BRCA1: variants seen among roughly 807,000 people sequenced by gnomAD.
BRCA1 encodes the protein breast cancer type 1 susceptibility protein.
In BRCA1, 140 loss-of-function variants were observed where a neutral mutation model predicts 173.7. The ratio of observed to expected loss-of-function variants is 0.81; its 90% CI spans 0.70 to 0.93. The LOEUF is 0.93. Ranked by LOEUF, BRCA1 falls within the 40% of genes least tolerant of loss-of-function variation. The pLI is 0.00. For missense variants in BRCA1, 1,983 were observed against 2,172.5 expected (o/e 0.91, Z 1.73); for synonymous variants, 662 against 756.0 (o/e 0.88, Z 2.04).
At chr17:43,142,984 A>G (rs11657289) in intron 1 of BRCA1, among the ~76,000 whole-genome samples, 9 of 149,520 alleles carry the variant, frequency 6.0e-5, no homozygotes, top group Admixed American at 4.0e-4. Context: ...ATGTGTGTAT[A>G]TATATATGTA....
At chr17:43,150,740 AAAC>A (rs1473121503) in intron 1 of BRCA1, among the ~76,000 whole-genome samples, 1 of 152,198 alleles carries the variant, frequency 6.6e-6, no homozygotes, top group Non-Finnish European at 1.5e-5. Flanking sequence ...AGCTAAAAAA[AAAC>A]AACTCCATTT....
intron 21 of BRCA1, among the ~76,000 whole-genome samples, 157 bp downstream of exon 21, chr17:43,048,964 C>T (rs1318762359): frequency 6.6e-6 from 1 of 152,130 alleles, no homozygotes; most frequent in African/African-American, 2.4e-5. Context: ...CAAATCCTTA[C>T]CCATCCCTTA....
intron 1 of BRCA1, among the ~76,000 whole-genome samples, chr17:43,142,741 C>T (rs886473984): frequency 5.3e-5 from 8 of 152,060 alleles, no homozygotes; most frequent in African/African-American, 1.9e-4. Flanking sequence ...TTGTGCTTTA[C>T]TTTTTATTTA....
chr17:43,127,651 C>G (rs1390116233), upstream of BRCA1, among the ~76,000 whole-genome samples: 1 of 152,076 alleles, frequency 6.6e-6, no homozygotes, highest in Non-Finnish European at 1.5e-5. Flanking sequence ...CAATCAGCAC[C>G]CTGTCAAAAC....
At chr17:43,117,851 T>G (rs1449447184) in intron 2 of BRCA1, among the ~76,000 whole-genome samples, 1 of 152,234 alleles carries the variant, frequency 6.6e-6, no homozygotes, top group Non-Finnish European at 1.5e-5. Flanking sequence ...TCATTTATTA[T>G]ACTAATATAA....
At chr17:43,112,066 C>T (rs556930746) in intron 3 of BRCA1, among the ~76,000 whole-genome samples, 16 of 151,670 alleles carry the variant, frequency 1.1e-4, no homozygotes, top group South Asian at 1.0e-3. Context: ...ATGAAAAAGT[C>T]GATCTATCAC....
chr17:43,068,631 C>T (rs1017934048), intron 15 of BRCA1, among the ~76,000 whole-genome samples: 3 of 151,962 alleles, frequency 2.0e-5, no homozygotes, highest in Admixed American at 1.3e-4. Context: ...TCCCTAAGAT[C>T]GTTTCTTTGC....
In BRCA1 at chr17:43,074,581, C is replaced by T. The variant is rs1335701202; in HGVS notation, c.4485-60G>A. On this transcript the variant is annotated intron_variant, in intron 13 of 22. Coordinates refer to ENST00000357654, the MANE Select transcript of BRCA1 (RefSeq NM_007294.4). The stretch of plus-strand genomic sequence containing the variant: ...ACCAATTGTGAAAGGACAAATCATA[C>T]TTGCTGGGCAGCCAAAGCATAAATG... 6 of 1,494,682 alleles carry T rather than the reference C, an allele frequency of 4.0e-6. 1 individual carries two copies. The highest frequency in any genetic ancestry group is 2.3e-5 in the South Asian group (2 of 87,124). The allele number at this position is 1,494,682 out of a possible 1,614,324, so 92.6% of individuals were successfully genotyped here. A position where few individuals can be genotyped will look rare whatever the true frequency, so the allele number is the denominator to read the frequency against.
intron 1 of BRCA1, among the ~76,000 whole-genome samples, chr17:43,157,709 A>T (rs1010633925): frequency 6.8e-6 from 1 of 146,222 alleles, no homozygotes; most frequent in African/African-American, 2.6e-5. Flanking sequence ...AATAAAAATT[A>T]AAAAAATCTG....
chr17:43,118,627 G>A (rs1378340879), intron 2 of BRCA1, among the ~76,000 whole-genome samples: 1 of 152,050 alleles, frequency 6.6e-6, no homozygotes, highest in Non-Finnish European at 1.5e-5. Flanking sequence ...TGTAGAGACA[G>A]GATCTCACTA....
intron 1 of BRCA1, among the ~76,000 whole-genome samples, chr17:43,142,909 A>G (rs1275584362): frequency 7.2e-6 from 1 of 139,662 alleles, no homozygotes; most frequent in African/African-American, 2.7e-5. Flanking sequence ...ATGCCCGGCT[A>G]ATTTTTGTGT....
chr17:43,136,121 G>A (rs1054247938), intron 1 of BRCA1, among the ~76,000 whole-genome samples: 2 of 152,162 alleles, frequency 1.3e-5, no homozygotes, highest in African/African-American at 4.8e-5. Context: ...AGTGAGGCCC[G>A]TCTCTAACAA....
chr17:43,099,345 AC>A (rs2054271331), intron 7 of BRCA1, among the ~76,000 whole-genome samples: 1 of 149,170 alleles, frequency 6.7e-6, no homozygotes, highest in South Asian at 2.1e-4. Flanking sequence ...ATCTCGGTTC[AC>A]CGCAACCTCC....
intron 14 of BRCA1, 27 bp downstream of exon 14, chr17:43,074,304 G>T (rs751058529): frequency 1.2e-6 from 2 of 1,612,050 alleles, no homozygotes; most frequent in Non-Finnish European, 8.5e-7. Context: ...CAAAGTGTTT[G>T]TTCCAATACA....
chr17:43,079,225 G>T, intron 12 of BRCA1: 1 of 821,838 alleles, frequency 1.2e-6, no homozygotes, highest in Non-Finnish European at 2.0e-6. Flanking sequence ...CAGAGGGAAG[G>T]CTCAGATACA....
In BRCA1 at chr17:43,078,698, T is replaced by C. The variant is rs749737881; in HGVS notation, c.4358-2084A>G. 2.0e-4 allele frequency among the ~76,000 whole-genome samples: 30 copies of C among 152,222 alleles called. 1 individual carries two copies. Among genetic ancestry groups the C allele is most frequent in the Non-Finnish European group, 4.0e-4 (27 of 68,042 alleles). On this transcript the variant is annotated intron_variant, in intron 12 of 22. Transcript: ENST00000357654. Reference sequence around the variant, plus strand: ...TAATCATTGATTTCCTGAGTTAGTCTTCAAATGCATTATTTATAGTTTCCT... The same window carrying C: ...TAATCATTGATTTCCTGAGTTAGTCCTCAAATGCATTATTTATAGTTTCCT...
At chr17:43,047,140 C>T (rs936773573) in intron 22 of BRCA1, among the ~76,000 whole-genome samples, 1 of 152,016 alleles carries the variant, frequency 6.6e-6, no homozygotes, top group Non-Finnish European at 1.5e-5. Flanking sequence ...CGCTCTGTCG[C>T]CCAGGCTGGA....
intron 1 of BRCA1, among the ~76,000 whole-genome samples, chr17:43,143,247 T>G (rs1487224233): frequency 6.6e-6 from 1 of 152,026 alleles, no homozygotes; most frequent in Non-Finnish European, 1.5e-5. Context: ...GGCCTAGTCT[T>G]GTGCTTTAGA....
intron 19 of BRCA1, among the ~76,000 whole-genome samples, chr17:43,056,762 T>A (rs2051478508): frequency 6.6e-6 from 1 of 152,168 alleles, no homozygotes; most frequent in African/African-American, 2.4e-5. Context: ...TAGATTCTCA[T>A]CTGCTTAAAG....
Sources: allele counts gnomAD v4.1 joint callset (sites outside exome capture counted in the v4.1 genomes callset), GRCh38; gene constraint gnomAD v4.1.1; transcripts MANE v1.5; gene names NCBI Gene and HGNC (gene_info 2026-07-23, HGNC 2026-07-21).